The following CNTNAP2 variants were observed in gnomAD, a reference collection of about 807,000 sequenced individuals.
CNTNAP2 encodes the protein contactin-associated protein-like 2.
Under a neutral mutation model 155.2 loss-of-function variants are expected in CNTNAP2, and 98 were observed. The ratio of observed to expected loss-of-function variants is 0.63; its 90% CI spans 0.54 to 0.75. The LOEUF (loss-of-function observed/expected upper bound fraction) is 0.75. Among genes scored for constraint, CNTNAP2 ranks in the 30% least tolerant of loss-of-function variants. The probability of loss-of-function intolerance (pLI) is 0.00; values close to 1 mark genes in which losing one functional copy is unlikely to be tolerated. For missense variants in CNTNAP2, 1,727 were observed against 1,688.1 expected (o/e 1.02, Z -0.40); for synonymous variants, 651 against 631.2 (o/e 1.03, Z -0.47).
At chr7:146,931,266 A>C (rs1309836163) in intron 3 of CNTNAP2, among the ~76,000 whole-genome samples, 16 of 152,140 alleles carry the variant, frequency 1.1e-4, no homozygotes, top group African/African-American at 3.1e-4. Flanking sequence ...CAAACCAGAA[A>C]TCAGGATTAA....
chr7:147,551,415 T>C (rs1799848992), intron 11 of CNTNAP2, among the ~76,000 whole-genome samples: 1 of 152,196 alleles, frequency 6.6e-6, no homozygotes, highest in African/African-American at 2.4e-5. Flanking sequence ...CTGAAGTTAT[T>C]GACTCCTTAA....
intron 15 of CNTNAP2, among the ~76,000 whole-genome samples, chr7:147,980,091 G>T (rs953638191): frequency 1.2e-4 from 18 of 152,240 alleles, no homozygotes; most frequent in African/African-American, 4.1e-4. Context: ...ACTTTCCTAG[G>T]TGCTCTGGAA....
intron 18 of CNTNAP2, among the ~76,000 whole-genome samples, chr7:148,173,667 G>C (rs1472180261): frequency 6.6e-6 from 1 of 152,226 alleles, no homozygotes; most frequent in African/African-American, 2.4e-5. Flanking sequence ...TGCTATTACA[G>C]TGCATTTTTC....
At chr7:148,408,238 G>A (rs1009692421) in intron 22 of CNTNAP2, among the ~76,000 whole-genome samples, 2 of 152,012 alleles carry the variant, frequency 1.3e-5, no homozygotes, top group East Asian at 3.8e-4. Flanking sequence ...AACAGAGTGA[G>A]ACCCTTTCCC....
chr7:147,707,295 A>G (rs1796330453), intron 13 of CNTNAP2, among the ~76,000 whole-genome samples: 1 of 152,178 alleles, frequency 6.6e-6, no homozygotes, highest in Non-Finnish European at 1.5e-5. Flanking sequence ...GTTAAAGATG[A>G]ATCTGTGGTT....
chr7:146,914,446 C>T (rs557352715), intron 3 of CNTNAP2, among the ~76,000 whole-genome samples: 28 of 151,708 alleles, frequency 1.8e-4, no homozygotes, highest in South Asian at 6.2e-4. Context: ...AACACATCCA[C>T]GCCAACATCT....
At position 147,469,506 on chromosome 7, in the gene CNTNAP2, A is replaced by ATTTTTTTTTTTTTTTTTTTTTTTTTTTTT. The variant is rs71527812; in HGVS notation, c.1671-16403_1671-16402insTTTTTTTTTTTTTTTTTTTTTTTTTTTTT. On this transcript the variant is annotated intron_variant, in intron 10 of 23. Transcript: ENST00000361727. ...CAGAGCACCAGGATGTCAGGCTGCA[A>ATTTTTTTTTTTTTTTTTTTTTTTTTTTTT]TTTTTTTTTTTTTTTTTTTTTTTTT... is the stretch of plus-strand genomic sequence containing the variant. Among the ~76,000 whole-genome samples the ATTTTTTTTTTTTTTTTTTTTTTTTTTTTT allele has an allele frequency of 4.4e-4, 35 of 79,130 alleles. 8 individuals carry two copies. Among genetic ancestry groups the ATTTTTTTTTTTTTTTTTTTTTTTTTTTTT allele is most frequent in the Non-Finnish European group, 7.8e-4 (33 of 42,352 alleles). 51.9% of individuals were successfully genotyped at this position (79,130 alleles called of 152,430 possible).
intron 13 of CNTNAP2, among the ~76,000 whole-genome samples, chr7:147,742,082 C>G (rs542897844): frequency 2.5e-4 from 38 of 152,210 alleles, no homozygotes; most frequent in African/African-American, 8.9e-4. Context: ...CATCAGATCT[C>G]GTGAGACTTA....
chr7:146,190,553 C>A (rs1303187967), intron 1 of CNTNAP2, among the ~76,000 whole-genome samples: 1 of 152,144 alleles, frequency 6.6e-6, no homozygotes, highest in Non-Finnish European at 1.5e-5. Flanking sequence ...AACCCTTTGG[C>A]AGGAGATATC....
intron 20 of CNTNAP2, among the ~76,000 whole-genome samples, chr7:148,242,980 A>AC (rs1003635635): frequency 3.1e-4 from 47 of 152,042 alleles, no homozygotes; most frequent in Admixed American, 6.6e-4. Flanking sequence ...GGGGCAACAA[A>AC]CCCCCCCTTT....
intron 9 of CNTNAP2, among the ~76,000 whole-genome samples, chr7:147,391,868 C>T (rs553719787): frequency 4.0e-5 from 6 of 150,844 alleles, no homozygotes; most frequent in Non-Finnish European, 7.4e-5. Context: ...TTGCATTGTT[C>T]ACCATCTGGA....
chr7:148,300,869 G>A (rs757233905), intron 21 of CNTNAP2, among the ~76,000 whole-genome samples: 37 of 150,638 alleles, frequency 2.5e-4, no homozygotes, highest in Non-Finnish European at 4.6e-4. Flanking sequence ...TGGGAGGAGG[G>A]ACAATGGGGA....
intron 13 of CNTNAP2, among the ~76,000 whole-genome samples, chr7:147,644,342 C>T (rs1028481802): frequency 3.9e-5 from 6 of 152,028 alleles, no homozygotes; most frequent in African/African-American, 1.4e-4. Context: ...TGAATTTGGC[C>T]GGGTGGGGTG....
At chr7:146,606,422 G>A (rs969274755) in intron 1 of CNTNAP2, among the ~76,000 whole-genome samples, 1 of 152,124 alleles carries the variant, frequency 6.6e-6, no homozygotes, top group African/African-American at 2.4e-5. Context: ...GGCAAACCAA[G>A]AGTGACCCTT....
At chr7:147,942,684 A>T (rs535620750) in intron 14 of CNTNAP2, among the ~76,000 whole-genome samples, 1 of 152,182 alleles carries the variant, frequency 6.6e-6, no homozygotes, top group Non-Finnish European at 1.5e-5. Flanking sequence ...GAAAAAATAC[A>T]GAAAGCATAT....
chr7:148,307,081 T>A (rs1212913697), intron 21 of CNTNAP2, among the ~76,000 whole-genome samples: 4 of 152,182 alleles, frequency 2.6e-5, no homozygotes, highest in African/African-American at 7.2e-5. Flanking sequence ...GCTGTCACTG[T>A]TCTCACAGCT....
chr7:146,569,153 A>G (rs1176158772), intron 1 of CNTNAP2, among the ~76,000 whole-genome samples: 1 of 152,038 alleles, frequency 6.6e-6, no homozygotes, highest in African/African-American at 2.4e-5. Flanking sequence ...AGTAGCTGGG[A>G]CTACAGGCGC....
intron 1 of CNTNAP2, among the ~76,000 whole-genome samples, chr7:146,244,144 T>C (rs1168694298): frequency 6.6e-6 from 1 of 152,116 alleles, no homozygotes; most frequent in Non-Finnish European, 1.5e-5. Flanking sequence ...GGTCTAAGAA[T>C]TGGGACGACT....
At chr7:146,174,421 A>G (rs1177569301) in intron 1 of CNTNAP2, among the ~76,000 whole-genome samples, 2 of 151,940 alleles carry the variant, frequency 1.3e-5, no homozygotes, top group African/African-American at 2.4e-5. Context: ...GGGTTTTGCC[A>G]TATTGGCCAG....
Sources: allele counts gnomAD v4.1 joint callset (sites outside exome capture counted in the v4.1 genomes callset), GRCh38; gene constraint gnomAD v4.1.1; transcripts MANE v1.5; gene names NCBI Gene and HGNC (gene_info 2026-07-23, HGNC 2026-07-21).